RBFOX3: variants seen among roughly 807,000 people sequenced by gnomAD.
RBFOX3 encodes RNA binding fox-1 homolog 3.
A neutral mutation model predicts 48.7 loss-of-function variants in RBFOX3; 17 were observed. The ratio of observed to expected loss-of-function variants is 0.35; its 90% CI spans 0.24 to 0.52. The LOEUF (loss-of-function observed/expected upper bound fraction) is 0.52. Ranked by LOEUF, RBFOX3 falls within the 20% of genes least tolerant of loss-of-function variation. RBFOX3 has a pLI of 0.94. For missense variants in RBFOX3, 382 were observed against 497.5 expected, an observed-to-expected ratio of 0.77 and a Z score of 2.21; for synonymous variants, 212 against 209.5, an observed-to-expected ratio of 1.01 and a Z score of -0.10.
intron 4 of RBFOX3, among the ~76,000 whole-genome samples, chr17:79,124,608 C>CA (rs1331316123): frequency 6.6e-6 from 1 of 152,208 alleles, no homozygotes; most frequent in East Asian, 1.9e-4. Flanking sequence ...GGGGCCATGA[C>CA]AGAGAGGGAT....
the RBFOX3 span, among the ~76,000 whole-genome samples, chr17:79,630,155 A>C: frequency 2.6e-5 from 4 of 152,200 alleles, no homozygotes; most frequent in Non-Finnish European, 5.9e-5. Flanking sequence ...AGGAAGACTA[A>C]AGGACTGCCT....
chr17:79,139,234 G>A (rs993374694), intron 4 of RBFOX3, among the ~76,000 whole-genome samples: 3 of 151,200 alleles, frequency 2.0e-5, no homozygotes, highest in Non-Finnish European at 4.4e-5. Flanking sequence ...CACAAACACA[G>A]GGCCCCCCCC....
intron 1 of RBFOX3, among the ~76,000 whole-genome samples, chr17:79,514,284 G>C (rs1304413094): frequency 6.6e-6 from 1 of 152,274 alleles, no homozygotes; most frequent in South Asian, 2.1e-4. Flanking sequence ...TCTGCAGTGG[G>C]CTACATTCAG....
At chr17:79,577,538 C>T (rs953382406) in intron 1 of RBFOX3, among the ~76,000 whole-genome samples, 225 of 152,316 alleles carry the variant, frequency 1.5e-3, no homozygotes, top group Non-Finnish European at 2.9e-3. Context: ...ATGACATACG[C>T]GGGGACAAGA....
chr17:79,155,056 G>A (rs996294349), intron 4 of RBFOX3, among the ~76,000 whole-genome samples: 6 of 152,322 alleles, frequency 3.9e-5, no homozygotes, highest in South Asian at 4.1e-4. Flanking sequence ...GTGGGCAGCC[G>A]TGAATGGCGG....
intron 1 of RBFOX3, among the ~76,000 whole-genome samples, chr17:79,566,468 A>G (rs886962533): frequency 5.9e-5 from 9 of 152,170 alleles, no homozygotes; most frequent in Non-Finnish European, 1.2e-4. Context: ...CACCGCATCC[A>G]TCCATGTGCT....
chr17:79,415,603 A>G (rs1391100002), intron 2 of RBFOX3, among the ~76,000 whole-genome samples: 1 of 152,200 alleles, frequency 6.6e-6, no homozygotes, highest in Non-Finnish European at 1.5e-5. Flanking sequence ...TCCTGGGGCC[A>G]CCAGGGCGGG....
At chr17:79,099,888 A>C (rs1029720952) in intron 9 of RBFOX3, 3 of 152,200 alleles carry the variant, frequency 2.0e-5, no homozygotes, top group South Asian at 2.1e-4. Flanking sequence ...GATGAATTCC[A>C]GAGTGTTGGG....
intron 9 of RBFOX3, chr17:79,098,137 C>T (rs892502255): frequency 5.1e-6 from 1 of 197,132 alleles, no homozygotes; most frequent in Non-Finnish European, 1.1e-5. Flanking sequence ...TGGAGTCAGA[C>T]TCAGCACAGC....
At chr17:79,476,165 G>C (rs2077716440) in intron 2 of RBFOX3, among the ~76,000 whole-genome samples, 1 of 152,124 alleles carries the variant, frequency 6.6e-6, no homozygotes, top group Non-Finnish European at 1.5e-5. Context: ...CTCCCTTCCC[G>C]CTCCAGCGCT....
chr17:79,188,617 G>GGAGCC (rs1440175748), intron 4 of RBFOX3, among the ~76,000 whole-genome samples: 1 of 152,220 alleles, frequency 6.6e-6, no homozygotes, highest in East Asian at 1.9e-4. Flanking sequence ...CGGGGGCCCA[G>GGAGCC]GAGCCGGAGG....
At chr17:79,484,774 A>G (rs2079314589) in intron 1 of RBFOX3, among the ~76,000 whole-genome samples, 1 of 152,072 alleles carries the variant, frequency 6.6e-6, no homozygotes, top group African/African-American at 2.4e-5. Context: ...CTCACACTGC[A>G]CCAGGCCCTG....
intron 2 of RBFOX3, among the ~76,000 whole-genome samples, chr17:79,474,380 G>C (rs1486370586): frequency 3.3e-5 from 5 of 152,206 alleles, no homozygotes; most frequent in South Asian, 2.1e-4. Context: ...GACAGGGTCT[G>C]TTTGGATCAT....
chr17:79,233,251 A>T lies in RBFOX3; in HGVS notation c.-34+2515T>A, dbSNP rs938759920. 5.3e-5 allele frequency among the ~76,000 whole-genome samples: 8 copies of T among 152,352 alleles called. No homozygotes were observed. The East Asian group carries it at 5.8e-4, about 11-fold the overall frequency. Reference sequence around the variant, plus strand: ...GAGGAGTGAAAGAAGCCAAGCAAAAAATGACCACAGATGCTACGATTCTAT... The same window carrying T: ...GAGGAGTGAAAGAAGCCAAGCAAAATATGACCACAGATGCTACGATTCTAT... On this transcript the variant is annotated intron_variant, in intron 4 of 14. Transcript: ENST00000693108.
intron 2 of RBFOX3, among the ~76,000 whole-genome samples, chr17:79,316,015 C>G (rs774733970): frequency 3.3e-5 from 5 of 152,188 alleles, no homozygotes; most frequent in Non-Finnish European, 7.3e-5. Flanking sequence ...CCTATTAGTT[C>G]CCCTTTGCAA....
chr17:79,238,957 C>G (rs1175551380), intron 3 of RBFOX3, among the ~76,000 whole-genome samples: 1 of 152,146 alleles, frequency 6.6e-6, no homozygotes, highest in Admixed American at 6.5e-5. Flanking sequence ...CAGGAGCTCC[C>G]CGAGCCCAGC....
chr17:79,102,615 C>T (rs1599427797), intron 8 of RBFOX3, among the ~76,000 whole-genome samples: 1 of 152,196 alleles, frequency 6.6e-6, no homozygotes, highest in East Asian at 1.9e-4. Flanking sequence ...CAGGGAGGGA[C>T]CCAGGGCCCC....
chr17:79,653,000 C>T, the RBFOX3 span, among the ~76,000 whole-genome samples: 2 of 151,978 alleles, frequency 1.3e-5, no homozygotes, highest in Admixed American at 1.3e-4. Flanking sequence ...CCATTTTCTA[C>T]AGCAGCATGG....
chr17:79,485,585 G>A (rs762807612), intron 1 of RBFOX3, among the ~76,000 whole-genome samples: 4,563 of 152,224 alleles, frequency 0.03, 106 homozygotes, highest in Admixed American at 0.041. Flanking sequence ...AGCTGAAGGC[G>A]GTGCCCCCAG....
Sources: gnomAD v4.1 joint callset for allele counts (sites outside exome capture counted in the v4.1 genomes callset) on GRCh38, gnomAD v4.1.1 for gene constraint, MANE v1.5 for transcripts, NCBI Gene and HGNC (gene_info 2026-07-23, HGNC 2026-07-21) for gene names.